The following SCN8A variants were observed in gnomAD, a reference collection of about 807,000 sequenced individuals.
The protein encoded by SCN8A is sodium voltage-gated channel alpha subunit 8.
Under a neutral mutation model 184.1 loss-of-function variants are expected in SCN8A, and 30 were observed. The observed-to-expected ratio is 0.16, with a 90% CI of 0.12 to 0.22. The LOEUF (loss-of-function observed/expected upper bound fraction) is 0.22. Ranked by LOEUF, SCN8A falls within the 10% of genes least tolerant of loss-of-function variation. The pLI is 1.00. For synonymous variants in SCN8A, 852 were observed against 907.0 expected (o/e 0.94, Z 1.09); for missense variants, 1,057 against 2,498.9 (o/e 0.42, Z 12.30).
At chr12:51,757,436 A>T (rs1194005130) in intron 14 of SCN8A, among the ~76,000 whole-genome samples, 4 of 152,132 alleles carry the variant, frequency 2.6e-5, no homozygotes, top group African/African-American at 4.8e-5. Flanking sequence ...GCACAAAGAG[A>T]GGAGCATGCC....
intron 1 of SCN8A, among the ~76,000 whole-genome samples, chr12:51,592,295 AC>A (rs1939244249): frequency 6.6e-6 from 1 of 151,444 alleles, no homozygotes; most frequent in Non-Finnish European, 1.5e-5. Context: ...GCCAGCAACA[AC>A]CACCGGTGGA....
At chr12:51,634,815 A>G (rs1940280454) in intron 1 of SCN8A, among the ~76,000 whole-genome samples, 1 of 151,336 alleles carries the variant, frequency 6.6e-6, no homozygotes, top group Admixed American at 6.6e-5. Context: ...CACCCGGCTA[A>G]TTTTTGTATT....
intron 2 of SCN8A, 150 bp downstream of exon 2, chr12:51,663,243 T>C (rs1940960763): frequency 5.4e-6 from 5 of 921,594 alleles, no homozygotes; most frequent in Non-Finnish European, 8.2e-6. Flanking sequence ...ATTTTTCATT[T>C]TAATTGCTAC....
intron 2 of SCN8A, among the ~76,000 whole-genome samples, chr12:51,666,507 G>C (rs1037911394): frequency 6.6e-6 from 1 of 152,190 alleles, no homozygotes; most frequent in Non-Finnish European, 1.5e-5. Context: ...AAAGTCATAA[G>C]GGTAGAAATG....
chr12:51,635,306 C>G (rs990909543), intron 1 of SCN8A, among the ~76,000 whole-genome samples: 36 of 152,154 alleles, frequency 2.4e-4, no homozygotes, highest in African/African-American at 8.2e-4. Flanking sequence ...GTACCTTATC[C>G]TTAATGCTGT....
intron 26 of SCN8A, among the ~76,000 whole-genome samples, chr12:51,803,718 A>G: frequency 6.6e-6 from 1 of 152,172 alleles, no homozygotes; most frequent in Admixed American, 6.5e-5. Flanking sequence ...TATATATTAT[A>G]TAACCTGACT....
At chr12:51,761,239 C>T (rs1443721233) in intron 14 of SCN8A, among the ~76,000 whole-genome samples, 2 of 151,960 alleles carry the variant, frequency 1.3e-5, no homozygotes, top group South Asian at 2.1e-4. Context: ...TGGAAGTCAT[C>T]GGGAAGTGCA....
intron 1 of SCN8A, among the ~76,000 whole-genome samples, chr12:51,610,800 G>A (rs1207927192): frequency 6.6e-6 from 1 of 152,200 alleles, no homozygotes; most frequent in Non-Finnish European, 1.5e-5. Flanking sequence ...TAGGTTACCT[G>A]ATGCTTCTGT....
intron 13 of SCN8A, among the ~76,000 whole-genome samples, chr12:51,746,879 A>G (rs770163873): frequency 2.6e-5 from 4 of 152,108 alleles, no homozygotes; most frequent in African/African-American, 7.2e-5. Flanking sequence ...TTCTGCACCT[A>G]TCTTCTTCAT....
At chr12:51,772,850 C>T (rs1255763562) in intron 19 of SCN8A, among the ~76,000 whole-genome samples, 3 of 150,772 alleles carry the variant, frequency 2.0e-5, no homozygotes, top group African/African-American at 7.4e-5. Context: ...GGCATGGTGT[C>T]TCACACCTGT....
intron 1 of SCN8A, among the ~76,000 whole-genome samples, chr12:51,653,753 A>G (rs547269428): frequency 2.6e-5 from 4 of 152,282 alleles, no homozygotes; most frequent in South Asian, 2.1e-4. Flanking sequence ...AATGTTTTCT[A>G]TAGCAGCTGC....
At chr12:51,592,476 C>T (rs1000100700) in intron 1 of SCN8A, among the ~76,000 whole-genome samples, 1 of 152,206 alleles carries the variant, frequency 6.6e-6, no homozygotes, top group East Asian at 1.9e-4. Flanking sequence ...ACTTACACTG[C>T]AGTTTTTGAA....
At chr12:51,677,219 G>A (rs1449541887) in intron 2 of SCN8A, among the ~76,000 whole-genome samples, 1 of 151,720 alleles carries the variant, frequency 6.6e-6, no homozygotes, top group Admixed American at 6.6e-5. Context: ...AAGTAAGCTG[G>A]GTCTACAGGC....
intron 2 of SCN8A, among the ~76,000 whole-genome samples, chr12:51,676,598 A>G (rs1348986640): frequency 6.6e-6 from 1 of 152,222 alleles, no homozygotes; most frequent in Non-Finnish European, 1.5e-5. Context: ...GCCTGGGGGA[A>G]TAAAGTACAT....
intron 9 of SCN8A, among the ~76,000 whole-genome samples, chr12:51,704,655 G>T (rs1324782735): frequency 8.5e-6 from 1 of 118,342 alleles, no homozygotes; most frequent in Non-Finnish European, 1.6e-5. Flanking sequence ...GGGTGACAGA[G>T]CAAGACTCCA....
chr12:51,738,401 G>C lies in SCN8A; in HGVS notation c.1999-7502G>C, dbSNP rs7398626. On this transcript the variant is annotated intron_variant, in intron 12 of 26. Transcript: ENST00000627620. ...GCTTTACCAACTCCAACTATGTTCA[G>C]TTGAGCGGATTGAATTGGCCACGTG... is the stretch of plus-strand genomic sequence containing the variant. Among the ~76,000 whole-genome samples the C allele has an allele frequency of 3.3e-5, 5 of 152,234 alleles. No homozygotes were observed. In the South Asian group the frequency reaches 1.0e-3, roughly 32 times the overall value.
chr12:51,625,738 G>A (rs1359792138), intron 1 of SCN8A, among the ~76,000 whole-genome samples: 1 of 152,178 alleles, frequency 6.6e-6, no homozygotes, highest in East Asian at 1.9e-4. Flanking sequence ...AGTAACTGCT[G>A]TATACATAGC....
At chr12:51,758,966 A>G (rs896252604) in intron 14 of SCN8A, among the ~76,000 whole-genome samples, 4 of 150,546 alleles carry the variant, frequency 2.7e-5, no homozygotes, top group African/African-American at 1.0e-4. Flanking sequence ...ACATATACAC[A>G]TACATGTATG....
intron 26 of SCN8A, among the ~76,000 whole-genome samples, chr12:51,804,608 GC>G (rs1302748660): frequency 6.6e-6 from 1 of 152,070 alleles, no homozygotes; most frequent in Non-Finnish European, 1.5e-5. Context: ...TCATGCCTCA[GC>G]CTCCTGAATA....
Sources: gnomAD v4.1 joint callset for allele counts (sites outside exome capture counted in the v4.1 genomes callset) on GRCh38, gnomAD v4.1.1 for gene constraint, MANE v1.5 for transcripts, NCBI Gene and HGNC (gene_info 2026-07-23, HGNC 2026-07-21) for gene names.